The following MAN1A2 variants were observed in gnomAD, a reference collection of about 807,000 sequenced individuals.
MAN1A2 encodes mannosidase alpha class 1A member 2, also known as mannosyl-oligosaccharide 1,2-alpha-mannosidase IB.
A neutral mutation model predicts 75.7 loss-of-function variants in MAN1A2; 26 were observed. The ratio of observed to expected loss-of-function variants is 0.34; its 90% CI spans 0.25 to 0.48. MAN1A2 has a LOEUF of 0.48. MAN1A2 is among the 20% of genes least tolerant of loss of function. The probability of loss-of-function intolerance (pLI) is 0.99; values close to 1 mark genes in which losing one functional copy is unlikely to be tolerated. For synonymous variants in MAN1A2, 247 were observed against 264.6 expected, an observed-to-expected ratio of 0.93 and a Z score of 0.65; for missense variants, 562 against 775.5, an observed-to-expected ratio of 0.72 and a Z score of 3.27.
intron 1 of MAN1A2, among the ~76,000 whole-genome samples, chr1:117,369,519 A>T (rs1049669977): frequency 6.6e-6 from 1 of 152,214 alleles, no homozygotes; most frequent in Non-Finnish European, 1.5e-5. Flanking sequence ...GTAAGCCTAC[A>T]TTAAATATTT....
chr1:117,386,439 T>G (rs1653526149), intron 1 of MAN1A2, among the ~76,000 whole-genome samples: 1 of 152,152 alleles, frequency 6.6e-6, no homozygotes, highest in African/African-American at 2.4e-5. Flanking sequence ...CTGGGTATGC[T>G]AAACATCCCA....
chr1:117,419,352 G>A (rs1189847132), intron 4 of MAN1A2, among the ~76,000 whole-genome samples: 4 of 151,990 alleles, frequency 2.6e-5, no homozygotes, highest in Admixed American at 2.6e-4. Context: ...AGAGATGGAG[G>A]CCCTCCCACC....
intron 1 of MAN1A2, among the ~76,000 whole-genome samples, chr1:117,397,384 AG>A (rs1653934184): frequency 6.6e-6 from 1 of 152,136 alleles, no homozygotes; most frequent in Non-Finnish European, 1.5e-5. Context: ...AAACATTTAG[AG>A]GGCTCAATTT....
At chr1:117,388,421 A>G (rs1381807195) in intron 1 of MAN1A2, among the ~76,000 whole-genome samples, 1 of 152,188 alleles carries the variant, frequency 6.6e-6, no homozygotes, top group Non-Finnish European at 1.5e-5. Context: ...ATTTATAGGA[A>G]AAGAGGTTTA....
At chr1:117,431,733 G>C (rs1648669425) in intron 5 of MAN1A2, among the ~76,000 whole-genome samples, 1 of 152,208 alleles carries the variant, frequency 6.6e-6, no homozygotes, top group African/African-American at 2.4e-5. Context: ...TGGATTGCTT[G>C]AGCTCAGGAG....
At chr1:117,455,704 G>GT (rs1417449210) in intron 6 of MAN1A2, among the ~76,000 whole-genome samples, 1 of 152,004 alleles carries the variant, frequency 6.6e-6, no homozygotes, top group Non-Finnish European at 1.5e-5. Flanking sequence ...TGCTTATGCA[G>GT]TTTTCCAGAA....
chr1:117,394,534 T>C (rs183198003), intron 1 of MAN1A2, among the ~76,000 whole-genome samples: 4 of 152,344 alleles, frequency 2.6e-5, no homozygotes, highest in Admixed American at 2.6e-4. Context: ...TTTGGAGATA[T>C]CTTTTATTAG....
intron 1 of MAN1A2, among the ~76,000 whole-genome samples, chr1:117,399,443 AT>A (rs1341353229): frequency 6.6e-6 from 1 of 152,106 alleles, no homozygotes; most frequent in Non-Finnish European, 1.5e-5. Flanking sequence ...AGTCTTCCCC[AT>A]TTGATGTTGC....
chr1:117,464,356 C>A lies in MAN1A2; in HGVS notation c.1075-1978C>A, dbSNP rs369523019. 8.0e-3 allele frequency among the ~76,000 whole-genome samples: 1,049 copies of A among 131,618 alleles called. 1 individual carries two copies. The highest frequency in any genetic ancestry group is 0.012 in the South Asian group (47 of 3,952). 86.3% of individuals were successfully genotyped at this position (131,618 alleles called of 152,430 possible). A position where few individuals can be genotyped will look rare whatever the true frequency, so the allele number is the denominator to read the frequency against. On this transcript the variant is annotated intron_variant, in intron 7 of 12. Coordinates refer to ENST00000356554, the MANE Select transcript of MAN1A2 (RefSeq NM_006699.5). ...CCTGGGCGACAGAGCAAGACTCTGT[C>A]AAAAAAAAAAGAAACAGAACACTGC...
In MAN1A2 at chr1:117,528,663, T is replaced by C. The variant is rs1652091773; in HGVS notation, c.*5706T>C. On this transcript the variant is annotated 3_prime_UTR_variant, in exon 13 of 13. Coordinates refer to ENST00000356554, the MANE Select transcript of MAN1A2 (RefSeq NM_006699.5). ...AATTTTAATTACTGGATTTGGAAGT[T>C]GAAATGCCATCCTTCAATATCACTG... 1 of 152,122 alleles carries C rather than the reference T, an allele frequency of 6.6e-6. No individual in the cohort carries two copies. Among genetic ancestry groups the C allele is most frequent in the Non-Finnish European group, 1.5e-5 (1 of 67,996 alleles). The allele number at this position is 152,122 out of a possible 1,614,324, so 9.4% of individuals were successfully genotyped here.
chr1:117,395,785 C>T (rs1653883199), intron 1 of MAN1A2, among the ~76,000 whole-genome samples: 2 of 152,164 alleles, frequency 1.3e-5, no homozygotes, highest in Admixed American at 6.5e-5. Flanking sequence ...CACAGTTCTT[C>T]ACATGACCAC....
At chr1:117,370,852 C>T (rs1652938203) in intron 1 of MAN1A2, among the ~76,000 whole-genome samples, 1 of 151,608 alleles carries the variant, frequency 6.6e-6, no homozygotes, top group Non-Finnish European at 1.5e-5. Context: ...TTCTTATTTG[C>T]AGTACTTAAG....
intron 5 of MAN1A2, among the ~76,000 whole-genome samples, chr1:117,427,853 C>A (rs1648427040): frequency 6.6e-6 from 1 of 152,038 alleles, no homozygotes; most frequent in African/African-American, 2.4e-5. Context: ...AGGCAAAAAC[C>A]ATAGCATTTT....
At chr1:117,521,153 G>A (rs1329093555) in intron 12 of MAN1A2, among the ~76,000 whole-genome samples, 6 of 151,908 alleles carry the variant, frequency 3.9e-5, no homozygotes, top group Non-Finnish European at 8.8e-5. Context: ...CATCTTACAC[G>A]AAAATCAACA....
chr1:117,445,870 GTGTC>G (rs1649212622), intron 6 of MAN1A2, among the ~76,000 whole-genome samples: 1 of 114,704 alleles, frequency 8.7e-6, no homozygotes, highest in South Asian at 2.7e-4. Flanking sequence ...ATGTGTGTGT[GTGTC>G]TGTGTGTGTG....
chr1:117,498,065 G>A (rs914755394), intron 10 of MAN1A2, among the ~76,000 whole-genome samples: 1 of 150,514 alleles, frequency 6.6e-6, no homozygotes, highest in Non-Finnish European at 1.5e-5. Context: ...ACTAAATAAG[G>A]GTTCCATTTC....
chr1:117,526,880 C>CTCTCTCTCTCTCTCTCTCTCTATA lies in MAN1A2; in HGVS notation c.*3924_*3925insCTCTCTCTCTCTCTCTCTCTATAT. On this transcript the variant is annotated 3_prime_UTR_variant, in exon 13 of 13. Coordinates refer to ENST00000356554, the MANE Select transcript of MAN1A2 (RefSeq NM_006699.5). Reference sequence around the variant, plus strand: ...TCTCTCTCTCTCTCTCTCTCTCTCTCTATATATATATATATATATATATAT... The same window carrying CTCTCTCTCTCTCTCTCTCTCTATA: ...TCTCTCTCTCTCTCTCTCTCTCTCTCTCTCTCTCTCTCTCTCTCTCTATATATATATATATATATATATATATAT... 5.5e-5 allele frequency: 3 copies of CTCTCTCTCTCTCTCTCTCTCTATA among 54,520 alleles called. No individual in the cohort carries two copies. Among genetic ancestry groups the CTCTCTCTCTCTCTCTCTCTCTATA allele is most frequent in the Admixed American group, 2.4e-4 (1 of 4,172 alleles). 3.4% of individuals were successfully genotyped at this position (54,520 alleles called of 1,614,324 possible).
intron 7 of MAN1A2, among the ~76,000 whole-genome samples, chr1:117,465,704 C>T (rs916986223): frequency 1.3e-5 from 2 of 152,098 alleles, no homozygotes; most frequent in Non-Finnish European, 2.9e-5. Context: ...TTACAAAGTT[C>T]ACCTAATCTA....
intron 12 of MAN1A2, among the ~76,000 whole-genome samples, chr1:117,505,039 G>A (rs1172469882): frequency 6.6e-6 from 1 of 151,462 alleles, no homozygotes; most frequent in Non-Finnish European, 1.5e-5. Flanking sequence ...TATCTGTGGA[G>A]TGATAATTTT....
Sources: gnomAD v4.1 joint callset for allele counts (sites outside exome capture counted in the v4.1 genomes callset) on GRCh38, gnomAD v4.1.1 for gene constraint, MANE v1.5 for transcripts, NCBI Gene and HGNC (gene_info 2026-07-23, HGNC 2026-07-21) for gene names.